Variants in PAPPA2 observed in about 807,000 individuals in gnomAD.
The protein encoded by PAPPA2 is pappalysin 2, also known as pappalysin-2.
A neutral mutation model predicts 176.4 loss-of-function variants in PAPPA2; 86 were observed. That is an observed-to-expected ratio of 0.49 (90% CI 0.41 to 0.58). The LOEUF (loss-of-function observed/expected upper bound fraction) is 0.58. Among genes scored for constraint, PAPPA2 ranks in the 20% least tolerant of loss-of-function variants. The pLI, the probability that PAPPA2 is intolerant of heterozygous loss-of-function variation, is 0.00. For missense variants in PAPPA2, 2,073 were observed against 2,256.9 expected, an observed-to-expected ratio of 0.92 and a Z score of 1.65; for synonymous variants, 809 against 852.2, an observed-to-expected ratio of 0.95 and a Z score of 0.88.
In PAPPA2 at chr1:176,570,111, G is replaced by C. The variant is rs10913205; in HGVS notation, c.919+12870G>C. ...TTTTTCTCATTCTCATAGAACTTTC[G>C]TTTTGTGCACATTATTCCCGTGGGC... On this transcript the variant is annotated intron_variant, in intron 2 of 22. Transcript: ENST00000367662. Among the ~76,000 whole-genome samples, 288 of 152,060 alleles carry C rather than the reference G, an allele frequency of 1.9e-3. 1 individual carries two copies. The highest frequency in any genetic ancestry group is 6.4e-3 in the African/African-American group (266 of 41,492).
intron 12 of PAPPA2, among the ~76,000 whole-genome samples, chr1:176,718,606 A>G (rs1313549159): frequency 1.3e-5 from 2 of 151,332 alleles, no homozygotes; most frequent in African/African-American, 4.9e-5. Flanking sequence ...ATTCAAACCA[A>G]TTTTCTTGTT....
At chr1:176,777,288 C>CATGGACTT in intron 17 of PAPPA2, among the ~76,000 whole-genome samples, 1 of 152,222 alleles carries the variant, frequency 6.6e-6, no homozygotes, top group Non-Finnish European at 1.5e-5. Context: ...ACTTAGTAGA[C>CATGGACTT]AGTATTTAGG....
At chr1:176,789,041 G>A (rs1348840090) in intron 17 of PAPPA2, among the ~76,000 whole-genome samples, 1 of 152,082 alleles carries the variant, frequency 6.6e-6, no homozygotes, top group Non-Finnish European at 1.5e-5. Context: ...CATCTTACCT[G>A]ACATTTCGTT....
At chr1:176,586,330 C>A (rs1653305630) in intron 2 of PAPPA2, among the ~76,000 whole-genome samples, 1 of 151,644 alleles carries the variant, frequency 6.6e-6, no homozygotes, top group African/African-American at 2.4e-5. Context: ...AGATATTTTT[C>A]TTCAAAAAAA....
At chr1:176,708,524 T>C (rs791027) in intron 10 of PAPPA2, among the ~76,000 whole-genome samples, 122,331 of 151,342 alleles carry the variant, frequency 0.81, 49,614 homozygotes, top group East Asian at 0.98. Flanking sequence ...AAACTATACG[T>C]ACATGTAGAG....
At chr1:176,638,359 GA>G (rs1283417708) in intron 3 of PAPPA2, among the ~76,000 whole-genome samples, 3 of 150,838 alleles carry the variant, frequency 2.0e-5, no homozygotes, top group East Asian at 2.0e-4. Flanking sequence ...AATAGAAAAA[GA>G]AAAAAAAACT....
chr1:176,703,461 A>G (rs1191321082), intron 9 of PAPPA2, among the ~76,000 whole-genome samples: 1 of 152,222 alleles, frequency 6.6e-6, no homozygotes, highest in Non-Finnish European at 1.5e-5. Flanking sequence ...ACATCAACCT[A>G]ACTTTAATGC....
intron 3 of PAPPA2, among the ~76,000 whole-genome samples, chr1:176,644,636 A>G (rs1249435782): frequency 6.6e-6 from 1 of 151,812 alleles, no homozygotes; most frequent in Non-Finnish European, 1.5e-5. Flanking sequence ...AAACAGGGAC[A>G]ATCTAGGTTC....
At position 176,845,036 on chromosome 1, in the gene PAPPA2, T is replaced by A. The variant is rs542310815; in HGVS notation, c.*2582T>A. ...CTATAGCTATTCAGAGACAGCAGGT[T>A]CTTCCAGTCTTTGTTCCTGGGACCT... On this transcript the variant is annotated 3_prime_UTR_variant, in exon 23 of 23. Transcript: ENST00000367662. 1 of 152,350 alleles carries A rather than the reference T, an allele frequency of 6.6e-6. No individual in the cohort carries two copies. Among genetic ancestry groups the A allele is most frequent in the African/African-American group, 2.4e-5 (1 of 41,588 alleles). The allele number at this position is 152,350 out of a possible 1,614,324, so 9.4% of individuals were successfully genotyped here.
At chr1:176,752,966 C>T (rs1351510680) in intron 14 of PAPPA2, among the ~76,000 whole-genome samples, 3 of 152,140 alleles carry the variant, frequency 2.0e-5, no homozygotes, top group African/African-American at 7.2e-5. Context: ...ATGTGTTAAC[C>T]TCTATTGTTC....
intron 3 of PAPPA2, among the ~76,000 whole-genome samples, chr1:176,651,800 A>G (rs936977199): frequency 6.6e-6 from 1 of 151,312 alleles, no homozygotes; most frequent in Non-Finnish European, 1.5e-5. Context: ...ATAATTTTCT[A>G]TATCTTGTAG....
At chr1:176,602,655 A>G (rs1437886894) in intron 3 of PAPPA2, among the ~76,000 whole-genome samples, 4 of 152,170 alleles carry the variant, frequency 2.6e-5, no homozygotes, top group Non-Finnish European at 5.9e-5. Flanking sequence ...AAATAAGCGT[A>G]AGGGGTAGAA....
intron 14 of PAPPA2, among the ~76,000 whole-genome samples, chr1:176,757,266 C>A (rs1473556220): frequency 1.3e-5 from 2 of 152,154 alleles, no homozygotes; most frequent in Non-Finnish European, 2.9e-5. Context: ...GTTCTAGATC[C>A]TTGAGGAATC....
intron 2 of PAPPA2, among the ~76,000 whole-genome samples, chr1:176,577,078 G>T (rs1652690123): frequency 6.6e-6 from 1 of 152,252 alleles, no homozygotes; most frequent in Admixed American, 6.5e-5. Context: ...TTAGCTCCCT[G>T]CACTTCCCCC....
intron 21 of PAPPA2, among the ~76,000 whole-genome samples, chr1:176,812,227 G>A (rs1056015834): frequency 4.6e-5 from 7 of 150,782 alleles, no homozygotes; most frequent in African/African-American, 7.3e-5. Flanking sequence ...TTTTTGGGGG[G>A]AGGGTTCTTT....
At chr1:176,600,674 T>TA (rs1558464898) in intron 3 of PAPPA2, among the ~76,000 whole-genome samples, 76 of 47,810 alleles carry the variant, frequency 1.6e-3, no homozygotes, top group African/African-American at 9.0e-3. Context: ...AGACTCCGTC[T>TA]CAAAAAAAAA....
In PAPPA2 at chr1:176,842,931, T is replaced by C. The variant is rs1034101629; in HGVS notation, c.*477T>C. The C allele has an allele frequency of 6.6e-6, 1 of 151,970 alleles. No individual in the cohort carries two copies. The highest frequency in any genetic ancestry group is 2.4e-5 in the African/African-American group (1 of 41,416). The allele number at this position is 151,970 out of a possible 1,614,324, so 9.4% of individuals were successfully genotyped here. A position where few individuals can be genotyped will look rare whatever the true frequency, so the allele number is the denominator to read the frequency against. ...GTCTGCTCTCAACTGGCTCTTTTTCTTTTTGTGTAGTTTCCCTTAAATAAT... is the reference window on the plus strand; with the variant it reads ...GTCTGCTCTCAACTGGCTCTTTTTCCTTTTGTGTAGTTTCCCTTAAATAAT... On this transcript the variant is annotated 3_prime_UTR_variant, in exon 23 of 23. Coordinates refer to ENST00000367662, the MANE Select transcript of PAPPA2 (RefSeq NM_020318.3).
intron 20 of PAPPA2, among the ~76,000 whole-genome samples, chr1:176,796,635 TTTC>T (rs1232076409): frequency 8.9e-4 from 135 of 151,532 alleles, no homozygotes; most frequent in African/African-American, 3.1e-3. Context: ...TTTCTTTTTC[TTTC>T]TTTTCTTTTC....
At chr1:176,600,597 A>G (rs914674947) in intron 3 of PAPPA2, among the ~76,000 whole-genome samples, 2 of 146,108 alleles carry the variant, frequency 1.4e-5, no homozygotes, top group Non-Finnish European at 3.0e-5. Context: ...AATGGCGTGA[A>G]CCCGGGAGGC....
Sources: gnomAD v4.1 joint callset for allele counts (sites outside exome capture counted in the v4.1 genomes callset) on GRCh38, gnomAD v4.1.1 for gene constraint, MANE v1.5 for transcripts, NCBI Gene and HGNC (gene_info 2026-07-23, HGNC 2026-07-21) for gene names.